HSPG2: variants seen among roughly 807,000 people sequenced by gnomAD.
HSPG2 encodes basement membrane-specific heparan sulfate proteoglycan core protein.
A neutral mutation model predicts 526.6 loss-of-function variants in HSPG2; 278 were observed. The observed-to-expected ratio is 0.53, with a 90% confidence interval of 0.48 to 0.58. The LOEUF is 0.58. Ranked by LOEUF, HSPG2 falls within the 20% of genes least tolerant of loss-of-function variation. The pLI is 0.00. For synonymous variants in HSPG2, 2,465 were observed against 2,555.4 expected (o/e 0.96, Z 1.07); for missense variants, 5,354 against 6,099.5 (o/e 0.88, Z 4.07).
intron 70 of HSPG2, 108 bp downstream of exon 70, chr1:21,841,431 T>G: frequency 6.4e-7 from 1 of 1,570,188 alleles, no homozygotes; most frequent in Non-Finnish European, 8.7e-7. Flanking sequence ...AGAGGGAGAA[T>G]GCCCAAGACA....
intron 1 of HSPG2, among the ~76,000 whole-genome samples, chr1:21,926,935 AG>A (rs1644211683): frequency 6.6e-6 from 1 of 151,914 alleles, no homozygotes; most frequent in South Asian, 2.1e-4. Flanking sequence ...AAACAAGGAG[AG>A]GGTTGAGTCA....
chr1:21,882,067 C>CTGGGAACCATTT (rs1357117271), intron 13 of HSPG2, among the ~76,000 whole-genome samples: 3 of 151,946 alleles, frequency 2.0e-5, no homozygotes, highest in Non-Finnish European at 4.4e-5. Context: ...GGAATGATAG[C>CTGGGAACCATTT]TGGGAACCAT....
Position 21,937,171 on chromosome 1 carries a change from TGCAGCAGCAGCGCCA to T in HSPG2, c.32_46del (p.Leu11_Leu15del). ...CACACTCACCGCCAGCAGCCGCCCG[TGCAGCAGCAGCGCCA>T]GCAGCAGCGCGCCCGCCGCCCGCCA... On this transcript the variant is annotated inframe_deletion, in exon 1 of 97. Transcript: ENST00000374695. The T allele has an allele frequency of 9.5e-7, 1 of 1,047,284 alleles. No homozygotes were observed. 64.9% of individuals were successfully genotyped at this position (1,047,284 alleles called of 1,614,324 possible).
At chr1:21,921,141 G>C (rs1264827458) in intron 1 of HSPG2, among the ~76,000 whole-genome samples, 1 of 152,186 alleles carries the variant, frequency 6.6e-6, no homozygotes, top group African/African-American at 2.4e-5. Flanking sequence ...GTAGGGATTA[G>C]CATTCTCTTC....
chr1:21,873,491 G>A (rs1018427329), intron 29 of HSPG2, 67 bp from the exon 30 acceptor site: 331 of 1,473,248 alleles, frequency 2.2e-4, no homozygotes, highest in Non-Finnish European at 2.9e-4. Context: ...GCTGGGCTGA[G>A]GGCCCCATAT....
rs192708299 is a variant in HSPG2 at position 21,864,332 on chromosome 1, C to T, written c.4627-119G>A. 7.1e-5 allele frequency: 58 copies of T among 821,582 alleles called. No homozygotes were observed. The Middle Eastern group carries it at 1.0e-3, about 14-fold the overall frequency. 50.9% of individuals were successfully genotyped at this position (821,582 alleles called of 1,614,324 possible). A position where few individuals can be genotyped will look rare whatever the true frequency, so the allele number is the denominator to read the frequency against. On this transcript the variant is annotated intron_variant, in intron 36 of 96. Transcript: ENST00000374695. The surrounding 1 kb of genome is among the most constrained non-coding windows in gnomAD (Gnocchi z 4.8). ...GTGACCCTGGAACATCACAGGCCGG[C>T]GCCCCTCCTTCCCCACTTCTGCTCA...
At chr1:21,934,720 G>A (rs911894462) in intron 1 of HSPG2, among the ~76,000 whole-genome samples, 5 of 146,708 alleles carry the variant, frequency 3.4e-5, no homozygotes, top group South Asian at 2.2e-4. Context: ...CTCAGCCTCC[G>A]GAGTAGCTGG....
Position 21,824,624 on chromosome 1 carries a change from G to A in HSPG2, c.12666-9C>T, listed in dbSNP as rs750720799. 3.1e-6 allele frequency: 5 copies of A among 1,614,046 alleles called. No individual in the cohort carries two copies. Among genetic ancestry groups the A allele is most frequent in the Non-Finnish European group, 8.5e-7 (1 of 1,180,010 alleles). On this transcript the variant is annotated splice_polypyrimidine_tract_variant and intron_variant, in intron 92 of 96. Coordinates refer to ENST00000374695, the MANE Select transcript of HSPG2 (RefSeq NM_005529.7). The surrounding 1 kb of genome is among the most constrained non-coding windows in gnomAD (Gnocchi z 5.9). ...CGGGCACCTCGGGCAGGCTGCGGAG[G>A]AAGAGCGGGTGAGGGGACAGAAGTC...
intron 29 of HSPG2, 40 bp downstream of exon 29, chr1:21,873,885 C>G (rs1185527524): frequency 2.6e-6 from 4 of 1,512,358 alleles, no homozygotes; most frequent in Middle Eastern, 2.3e-4. Context: ...AGGGACACCC[C>G]CTGTGCGCAT....
intron 87 of HSPG2, 152 bp from the exon 88 acceptor site, chr1:21,829,231 T>C (rs1331100298): frequency 7.5e-7 from 1 of 1,342,160 alleles, no homozygotes; most frequent in African/African-American, 1.4e-5. Context: ...GGCTAGGGAT[T>C]GGCCTCAAGT....
intron 1 of HSPG2, among the ~76,000 whole-genome samples, chr1:21,901,257 C>T (rs1391461904): frequency 1.3e-5 from 2 of 151,946 alleles, no homozygotes; most frequent in African/African-American, 4.8e-5. Context: ...CTTAGTGAGG[C>T]GTTTACTTAT....
chr1:21,859,441 C>A lies in HSPG2; in HGVS notation c.5293+125G>T. 1 of 746,832 alleles carries A rather than the reference C, an allele frequency of 1.3e-6. No individual in the cohort carries two copies. Among genetic ancestry groups the A allele is most frequent in the Non-Finnish European group, 2.4e-6 (1 of 422,616 alleles). 46.3% of individuals were successfully genotyped at this position (746,832 alleles called of 1,614,324 possible). A position where few individuals can be genotyped will look rare whatever the true frequency, so the allele number is the denominator to read the frequency against. On this transcript the variant is annotated intron_variant, in intron 42 of 96. Transcript: ENST00000374695. This position sits in a 1 kb window ranked among gnomAD's most constrained non-coding sequence, Gnocchi z 5.3. Reference sequence around the variant, plus strand: ...CTGCCACCTCTCCTCATCTCCATGGCTGCTGACCTTGTTCGGGCAACCACT... The same window carrying A: ...CTGCCACCTCTCCTCATCTCCATGGATGCTGACCTTGTTCGGGCAACCACT...
Position 21,874,409 on chromosome 1 carries a change from C to T in HSPG2, c.3653G>A (p.Gly1218Asp). 1 of 1,611,252 alleles carries T rather than the reference C, an allele frequency of 6.2e-7. No homozygotes were observed. ...TGCAGGCAGGGACTGGACGCACTGG[C>T]CGGCAGCAGGGTCTCCGTAGCAGGG... The part of the protein sequence containing the change: ...LCPCYGDPAA[G>D]QAAHTCFLDT... Residue 1218 changes from glycine (G) to aspartate (D), a missense_variant, in exon 28 of 97, where the codon GGC becomes GAC. Transcript: ENST00000374695.
chr1:21,831,021 T>A lies in HSPG2; in HGVS notation c.11632A>T (p.Ser3878Cys). ...VCVCPAGFTG[S>C]RCEHSQALHC... is the part of the protein sequence containing the mutation. ...AGGGCCTGCGAGTGCTCACAGCGGC[T>A]CCCGGTGAAGCCAGCTGGGCAGACG... Residue 3878 changes from serine to cysteine, a missense_variant, in exon 85 of 97, where the codon AGC (serine) becomes TGC (cysteine). By Grantham distance (112) the Ser-to-Cys change is moderately radical. Coordinates refer to ENST00000374695, the MANE Select transcript of HSPG2 (RefSeq NM_005529.7). 1 of 1,590,864 alleles carries A rather than the reference T, an allele frequency of 6.3e-7. No homozygotes were observed. The highest frequency in any genetic ancestry group is 1.3e-5 in the African/African-American group (1 of 74,826).
intron 33 of HSPG2, among the ~76,000 whole-genome samples, chr1:21,867,786 A>G (rs1170298319): frequency 6.6e-6 from 1 of 152,078 alleles, no homozygotes; most frequent in African/African-American, 2.4e-5. Flanking sequence ...GCTGGAGTAC[A>G]GTGCTGCAAT....
At position 21,880,743 on chromosome 1, in the gene HSPG2, G is replaced by C; in HGVS notation, c.1911C>G (p.Leu637=). ...LEPVQRPDVV[L]MGAGYRLLSR... ...AGAGGAGGCGGTACCCGGCACCCATGAGGACCACGTCCGGCCGCTGCACTG... is the reference window on the plus strand; with the variant it reads ...AGAGGAGGCGGTACCCGGCACCCATCAGGACCACGTCCGGCCGCTGCACTG... Residue 637 remains leucine, a synonymous_variant, in exon 15 of 97, where the codon CTC becomes CTG. Coordinates refer to ENST00000374695, the MANE Select transcript of HSPG2 (RefSeq NM_005529.7). The C allele has an allele frequency of 6.2e-7, 1 of 1,601,418 alleles. No homozygotes were observed. Among genetic ancestry groups the C allele is most frequent in the Non-Finnish European group, 8.5e-7 (1 of 1,174,674 alleles).
chr1:21,917,792 G>A (rs561887029), intron 1 of HSPG2, among the ~76,000 whole-genome samples: 21 of 151,970 alleles, frequency 1.4e-4, no homozygotes, highest in Non-Finnish European at 2.6e-4. Flanking sequence ...AAGACTTTTT[G>A]GAACCCCTAT....
In HSPG2 at chr1:21,863,070, A is replaced by AC. The variant is rs1349272814; in HGVS notation, c.4741-956_4741-955insG. Among the ~76,000 whole-genome samples, 24 of 134,198 alleles carry AC rather than the reference A, an allele frequency of 1.8e-4. 1 individual carries two copies. Among genetic ancestry groups the AC allele is most frequent in the South Asian group, 4.9e-4 (2 of 4,058 alleles). The allele number at this position is 134,198 out of a possible 152,430, so 88.0% of individuals were successfully genotyped here. On this transcript the variant is annotated intron_variant, in intron 37 of 96. Coordinates refer to ENST00000374695, the MANE Select transcript of HSPG2 (RefSeq NM_005529.7). ...AGCGAGACTCCATCTCAAAAAAAAA[A>AC]AAAAAAAAAAAAAAAAAAGAGGCTG... is the stretch of plus-strand genomic sequence containing the variant.
chr1:21,850,738 C>G (rs1016786182), intron 55 of HSPG2, among the ~76,000 whole-genome samples: 1 of 152,230 alleles, frequency 6.6e-6, no homozygotes, highest in African/African-American at 2.4e-5. Flanking sequence ...ATTTCGATGT[C>G]TCCAAAATCA....
Sources: allele counts gnomAD v4.1 joint callset (sites outside exome capture counted in the v4.1 genomes callset), GRCh38; gene constraint gnomAD v4.1.1; non-coding constraint Gnocchi (gnomAD v3.1); transcripts MANE v1.5; gene names NCBI Gene and HGNC (gene_info 2026-07-23, HGNC 2026-07-21).